Variants in RNLS observed in about 807,000 individuals in gnomAD.
RNLS encodes renalase.
Under a neutral mutation model 39.8 loss-of-function variants are expected in RNLS, and 39 were observed. That is an observed-to-expected ratio of 0.98 (90% CI 0.76 to 1.28). The LOEUF is 1.28. Among genes scored for constraint, RNLS ranks in the 50% most tolerant of loss-of-function variants. RNLS has a pLI of 0.00. For synonymous variants in RNLS, 147 were observed against 150.7 expected (o/e 0.98, Z 0.18); for missense variants, 410 against 413.3 (o/e 0.99, Z 0.07).
the RNLS span, among the ~76,000 whole-genome samples, chr10:88,209,009 G>A: frequency 6.6e-6 from 1 of 152,238 alleles, no homozygotes; most frequent in South Asian, 2.1e-4. Context: ...AGATATGATG[G>A]CTTTAAATTA....
At chr10:88,335,455 A>T (rs996473645) in intron 5 of RNLS, among the ~76,000 whole-genome samples, 3 of 152,034 alleles carry the variant, frequency 2.0e-5, no homozygotes, top group Non-Finnish European at 2.9e-5. Context: ...CCTAAACTCA[A>T]GGGATTCACC....
chr10:88,431,569 A>G (rs2133810290), intron 4 of RNLS, among the ~76,000 whole-genome samples: 1 of 151,726 alleles, frequency 6.6e-6, no homozygotes, highest in East Asian at 1.9e-4. Flanking sequence ...AAATGAGGTT[A>G]CTGATTTGAG....
At chr10:88,273,529 C>T (rs1296678739), downstream of RNLS, among the ~76,000 whole-genome samples, 1 of 152,172 alleles carries the variant, frequency 6.6e-6, no homozygotes, top group Non-Finnish European at 1.5e-5. Flanking sequence ...TTTAAAATGA[C>T]TGCATTAAAT....
intron 3 of RNLS, among the ~76,000 whole-genome samples, chr10:88,578,315 C>G (rs1166087323): frequency 3.3e-5 from 5 of 152,008 alleles, no homozygotes; most frequent in Non-Finnish European, 7.4e-5. Context: ...CCTAATATTA[C>G]ATGAACAGAA....
intron 4 of RNLS, among the ~76,000 whole-genome samples, chr10:88,548,712 CA>C (rs1848463376): frequency 6.8e-6 from 1 of 146,944 alleles, no homozygotes; most frequent in African/African-American, 2.5e-5. Flanking sequence ...ATATTTAATA[CA>C]TATATATTAA....
chr10:88,207,978 A>G, the RNLS span, among the ~76,000 whole-genome samples: 1 of 152,158 alleles, frequency 6.6e-6, no homozygotes, highest in Non-Finnish European at 1.5e-5. Flanking sequence ...ACCCTAGAAG[A>G]GGGTCATCGT....
At chr10:88,496,343 T>C (rs1434901348) in intron 4 of RNLS, among the ~76,000 whole-genome samples, 1 of 152,124 alleles carries the variant, frequency 6.6e-6, no homozygotes, top group Non-Finnish European at 1.5e-5. Context: ...CCAAGAGAAC[T>C]ATTTAGAATT....
At chr10:88,453,694 CCTT>C (rs969515174) in intron 4 of RNLS, among the ~76,000 whole-genome samples, 1 of 152,192 alleles carries the variant, frequency 6.6e-6, no homozygotes, top group African/African-American at 2.4e-5. Context: ...TGGTATTACT[CCTT>C]CTACTCTCGT....
chr10:88,574,506 G>A (rs1419880253), intron 3 of RNLS, among the ~76,000 whole-genome samples: 1 of 152,150 alleles, frequency 6.6e-6, no homozygotes, highest in African/African-American at 2.4e-5. Context: ...ATATCTGCAT[G>A]CTTTAGTTGT....
intron 4 of RNLS, among the ~76,000 whole-genome samples, chr10:88,414,738 G>A (rs941902500): frequency 5.9e-5 from 9 of 152,130 alleles, no homozygotes; most frequent in African/African-American, 1.7e-4. Context: ...GAAATGGTCC[G>A]TTCTATCAAC....
chr10:88,524,768 C>T (rs1846977722), intron 4 of RNLS, among the ~76,000 whole-genome samples: 1 of 151,408 alleles, frequency 6.6e-6, no homozygotes. Flanking sequence ...CATATAAATA[C>T]TGGTCCTTTA....
intron 5 of RNLS, 23 bp from the exon 6 acceptor site, chr10:88,314,664 A>G (rs1845625992): frequency 2.5e-6 from 4 of 1,604,140 alleles, no homozygotes; most frequent in Non-Finnish European, 3.4e-6. Flanking sequence ...AGGATCATAA[A>G]GATGCATCTT....
intron 4 of RNLS, among the ~76,000 whole-genome samples, chr10:88,384,779 T>C (rs1297955906): frequency 1.3e-5 from 2 of 152,226 alleles, no homozygotes; most frequent in African/African-American, 4.8e-5. Context: ...TTTTCGCTTA[T>C]GAAATCTATG....
intron 4 of RNLS, among the ~76,000 whole-genome samples, chr10:88,550,201 C>A (rs1350810234): frequency 6.6e-6 from 1 of 152,184 alleles, no homozygotes; most frequent in African/African-American, 2.4e-5. Flanking sequence ...TTCAAAGAAT[C>A]ATTCTGCTAG....
chr10:88,468,673 A>G lies in RNLS; in HGVS notation c.526+104230T>C, dbSNP rs545083304. 1.3e-4 allele frequency among the ~76,000 whole-genome samples: 20 copies of G among 152,270 alleles called. 1 individual carries two copies. In the South Asian group the frequency reaches 3.9e-3, roughly 30 times the overall value. ...GCTTTTACACCAGGAAAACTCCTGC[A>G]CTTACCTAGTATGCATCTCATCTCT... On this transcript the variant is annotated intron_variant, in intron 4 of 6. Coordinates refer to ENST00000331772, the MANE Select transcript of RNLS (RefSeq NM_001031709.3).
exon 7 of RNLS, chr10:88,274,249 T>C (rs1842733794): frequency 6.6e-6 from 1 of 152,194 alleles, no homozygotes; most frequent in South Asian, 2.1e-4. Context: ...TCTGTGGCAT[T>C]AAGTACATTC....
intron 4 of RNLS, among the ~76,000 whole-genome samples, chr10:88,414,970 C>T (rs76836971): frequency 0.062 from 9,424 of 152,016 alleles, 425 homozygotes; most frequent in African/African-American, 0.12. Context: ...AAAAGGTGCC[C>T]CAAAACTCTG....
chr10:88,535,821 G>C (rs921382727), intron 4 of RNLS, among the ~76,000 whole-genome samples: 1 of 152,138 alleles, frequency 6.6e-6, no homozygotes, highest in Non-Finnish European at 1.5e-5. Flanking sequence ...AGGGAAGGTT[G>C]AAAGTGGAAA....
chr10:88,407,688 T>C (rs1853376180), intron 4 of RNLS, among the ~76,000 whole-genome samples: 1 of 152,100 alleles, frequency 6.6e-6, no homozygotes, highest in Non-Finnish European at 1.5e-5. Flanking sequence ...ACTGCTGCCC[T>C]ACTACAGTTG....
Sources: allele counts gnomAD v4.1 joint callset (sites outside exome capture counted in the v4.1 genomes callset), GRCh38; gene constraint gnomAD v4.1.1; transcripts MANE v1.5; gene names NCBI Gene and HGNC (gene_info 2026-07-23, HGNC 2026-07-21).